The following ITK variants were observed in gnomAD, a reference collection of about 807,000 sequenced individuals.
ITK encodes IL2 inducible T cell kinase.
A neutral mutation model predicts 87.6 loss-of-function variants in ITK; 45 were observed. That is an observed-to-expected ratio of 0.51 (90% CI 0.40 to 0.66). ITK has a LOEUF of 0.66. Ranked by LOEUF, ITK falls within the 30% of genes least tolerant of loss-of-function variation. The pLI is 0.00. For missense variants in ITK, 605 were observed against 766.3 expected, an observed-to-expected ratio of 0.79 and a Z score of 2.48; for synonymous variants, 303 against 273.6, an observed-to-expected ratio of 1.11 and a Z score of -1.06.
chr5:157,231,316 G>A (rs1263445090), intron 7 of ITK, among the ~76,000 whole-genome samples: 1 of 152,224 alleles, frequency 6.6e-6, no homozygotes, highest in Non-Finnish European at 1.5e-5. Flanking sequence ...CCCTTTGATA[G>A]TGAAGCTATT....
intron 1 of ITK, among the ~76,000 whole-genome samples, chr5:157,202,375 A>G (rs1753995192): frequency 6.6e-6 from 1 of 152,036 alleles, no homozygotes; most frequent in Non-Finnish European, 1.5e-5. Flanking sequence ...CATCATGCCC[A>G]GCTAATTTTT....
chr5:157,194,931 C>T (rs942983035), intron 1 of ITK, among the ~76,000 whole-genome samples: 2 of 152,142 alleles, frequency 1.3e-5, no homozygotes, highest in African/African-American at 4.8e-5. Context: ...CAACATGAAT[C>T]ATAATTCATT....
At chr5:157,201,181 G>A (rs1213250076) in intron 1 of ITK, among the ~76,000 whole-genome samples, 3 of 150,008 alleles carry the variant, frequency 2.0e-5, no homozygotes, top group Admixed American at 2.0e-4. Flanking sequence ...TACACTAATA[G>A]AAAAAAAATT....
chr5:157,225,241 C>T (rs372789214), intron 6 of ITK, among the ~76,000 whole-genome samples: 5 of 152,114 alleles, frequency 3.3e-5, no homozygotes, highest in East Asian at 3.9e-4. Flanking sequence ...GAAATTCTCC[C>T]GCTTTAGCCT....
intron 8 of ITK, among the ~76,000 whole-genome samples, chr5:157,234,125 C>T (rs1188614357): frequency 6.6e-6 from 1 of 151,006 alleles, no homozygotes; most frequent in African/African-American, 2.4e-5. Flanking sequence ...GGATTACAGG[C>T]ATGTGCCATC....
Position 157,214,268 on chromosome 5 carries a change from C to T in ITK, c.403C>T (p.Gln135Ter), listed in dbSNP as rs1393642606. 6.2e-7 allele frequency: 1 copy of T among 1,611,822 alleles called. No individual in the cohort carries two copies. The highest frequency in any genetic ancestry group is 1.7e-5 in the Admixed American group (1 of 60,020). The change falls in exon 4 of 17, where the codon CAG becomes TAG. Residue 135 changes from glutamine to a stop codon, truncating the protein, a stop_gained. Transcript: ENST00000422843. LOFTEE classifies it high-confidence loss of function. ...GGATGGGAAGTGGAGGTGCTGTTCT[C>T]AGCTGGAGAAGCTTGCAACAGGCTG... is the stretch of plus-strand genomic sequence containing the variant. ...WMDGKWRCCS[Q>*]LEKLATGCAQ... is the part of the protein sequence containing the mutation.
At chr5:157,198,949 G>C (rs918541471) in intron 1 of ITK, among the ~76,000 whole-genome samples, 5 of 152,046 alleles carry the variant, frequency 3.3e-5, no homozygotes, top group Non-Finnish European at 1.5e-5. Context: ...TTTTTTTGTA[G>C]AGACAGGGCC....
intron 4 of ITK, among the ~76,000 whole-genome samples, chr5:157,217,516 G>A (rs1042945240): frequency 2.0e-5 from 3 of 152,094 alleles, no homozygotes; most frequent in African/African-American, 7.2e-5. Flanking sequence ...TTAGCAGGTG[G>A]CAGAGACATT....
intron 6 of ITK, among the ~76,000 whole-genome samples, chr5:157,225,915 A>G (rs549926393): frequency 2.0e-5 from 3 of 152,306 alleles, no homozygotes; most frequent in African/African-American, 7.2e-5. Flanking sequence ...ACTTCCCCAA[A>G]TGAGAGTTAA....
In ITK at chr5:157,243,678, G is replaced by A. The variant is rs1754959765; in HGVS notation, c.1116G>A (p.Gly372=). Residue 372 remains glycine, a synonymous_variant, in exon 12 of 17, where the codon GGG becomes GGA. Transcript: ENST00000422843. The part of the protein sequence containing the change: ...ELTFVQEIGS[G]QFGLVHLGYW... ...CTTTTGTGCAAGAGATTGGCAGTGGGCAATTTGGGTTGGTGCATCTGGGCT... is the reference window on the plus strand; with the variant it reads ...CTTTTGTGCAAGAGATTGGCAGTGGACAATTTGGGTTGGTGCATCTGGGCT... 6.2e-7 allele frequency: 1 copy of A among 1,613,556 alleles called. No homozygotes were observed.
chr5:157,229,230 T>C (rs1754598300), intron 7 of ITK, among the ~76,000 whole-genome samples: 1 of 152,206 alleles, frequency 6.6e-6, no homozygotes, highest in Admixed American at 6.5e-5. Flanking sequence ...GAATCCTCAA[T>C]GAATGTCACC....
rs763088444 is a variant in ITK at position 157,240,157 on chromosome 5, T to A, written c.947T>A (p.Ile316Asn). The A allele has an allele frequency of 6.2e-7, 1 of 1,614,154 alleles. No individual in the cohort carries two copies. The highest frequency in any genetic ancestry group is 8.5e-7 in the Non-Finnish European group (1 of 1,179,998). The stretch of plus-strand genomic sequence containing the variant: ...GCTGAAAAGTATGTGTTCGATTCCA[T>A]CCCTCTTCTCATCAACTATCACCAA... ...YVAEKYVFDS[I>N]PLLINYHQHN... is the part of the protein sequence containing the mutation. Residue 316 changes from isoleucine (I) to asparagine (N), a missense_variant, in exon 10 of 17, where the codon ATC becomes AAC. Physicochemically the swap from Ile to Asn is moderately radical, Grantham distance 149. Around this residue, in one of 3 missense-constraint regions of ITK, gnomAD observed 464 missense variants for 578.0 expected, o/e 0.80. Transcript: ENST00000422843.
At position 157,244,769 on chromosome 5, in the gene ITK, T is replaced by G. The variant is rs1580908953; in HGVS notation, c.1449+291T>G. On this transcript the variant is annotated intron_variant, in intron 13 of 16. Coordinates refer to ENST00000422843, the MANE Select transcript of ITK (RefSeq NM_005546.4). Reference sequence around the variant, plus strand: ...TTAACCTCTCTGTGACTCAATTTCCTCCTGGTAAATTGAGGAAACTGAGTT... The same window carrying G: ...TTAACCTCTCTGTGACTCAATTTCCGCCTGGTAAATTGAGGAAACTGAGTT... 9.9e-6 allele frequency: 4 copies of G among 403,504 alleles called. No individual in the cohort carries two copies. In the East Asian group the frequency reaches 2.1e-4, roughly 22 times the overall value. The allele number at this position is 403,504 out of a possible 1,614,324, so 25.0% of individuals were successfully genotyped here. A position where few individuals can be genotyped will look rare whatever the true frequency, so the allele number is the denominator to read the frequency against.
At chr5:157,245,042 G>C (rs2113775501) in intron 13 of ITK, 1 of 172,742 alleles carries the variant, frequency 5.8e-6, no homozygotes, top group South Asian at 1.3e-4. Flanking sequence ...TGGCCAACAT[G>C]GTGAAACCCC....
intron 6 of ITK, among the ~76,000 whole-genome samples, chr5:157,227,822 CTTTTTTTT>C (rs34428784): frequency 7.2e-4 from 61 of 84,848 alleles, no homozygotes; most frequent in Non-Finnish European, 1.1e-3. Context: ...TTACCAATTC[CTTTTTTTT>C]TTTTTTTTTT....
At chr5:157,208,796 A>G in intron 1 of ITK, 93 bp from the exon 2 acceptor site, 1 of 892,442 alleles carries the variant, frequency 1.1e-6, no homozygotes, top group Non-Finnish European at 1.8e-6. Flanking sequence ...TAAAAAGCCA[A>G]TGGATCTTAT....
In ITK at chr5:157,232,224, T is replaced by C. The variant is rs572012724; in HGVS notation, c.714-116T>C. ...ATAAATAAAATACACTTAAAATTTTTTTAAAGCACTGGTAGAAATAGAAAA... is the reference window on the plus strand; with the variant it reads ...ATAAATAAAATACACTTAAAATTTTCTTAAAGCACTGGTAGAAATAGAAAA... On this transcript the variant is annotated intron_variant, in intron 7 of 16. Transcript: ENST00000422843. 366 of 741,582 alleles carry C rather than the reference T, an allele frequency of 4.9e-4. 1 individual carries two copies. The African/African-American group carries it at 6.1e-3, about 12-fold the overall frequency. 45.9% of individuals were successfully genotyped at this position (741,582 alleles called of 1,614,324 possible).
At chr5:157,236,871 G>A (rs1417183012) in intron 8 of ITK, among the ~76,000 whole-genome samples, 3 of 152,146 alleles carry the variant, frequency 2.0e-5, no homozygotes, top group Non-Finnish European at 4.4e-5. Flanking sequence ...GGAGCTTAAT[G>A]TTCTTTTTCC....
rs370632752 is a variant in ITK, at chr5:157,248,978, T to C, written c.1762T>C (p.Tyr588His). ...GCCCCGGCTGGCCTCCACACACGTC[T>C]ACCAGATTATGAATCACTGCTGGAA... ...YKPRLASTHVYQIMNHCWKER... is the reference protein window; with the variant it reads ...YKPRLASTHVHQIMNHCWKER... The change falls in exon 16 of 17, where the codon TAC becomes CAC. Residue 588 changes from tyrosine (Y) to histidine (H), a missense_variant. Physicochemically the swap from Tyr to His is moderately conservative, Grantham distance 83. This residue lies in a region of ITK where 71 missense variants were observed against 65.8 expected (regional missense o/e 1.08). Transcript: ENST00000422843. 2.7e-5 allele frequency: 43 copies of C among 1,613,820 alleles called. No individual in the cohort carries two copies. The highest frequency in any genetic ancestry group is 3.4e-5 in the Non-Finnish European group (40 of 1,179,828).
Sources: allele counts gnomAD v4.1 joint callset (sites outside exome capture counted in the v4.1 genomes callset), GRCh38; gene constraint gnomAD v4.1.1; regional missense constraint gnomAD v4.1.1; transcripts MANE v1.5; gene names NCBI Gene and HGNC (gene_info 2026-07-23, HGNC 2026-07-21).